The following CCDC138 variants were observed in gnomAD, a reference collection of about 807,000 sequenced individuals.
CCDC138 encodes the protein coiled-coil domain containing 138.
In CCDC138, 66 loss-of-function variants were observed where a neutral mutation model predicts 82.3. The ratio of observed to expected loss-of-function variants is 0.80; its 90% CI spans 0.66 to 0.98. CCDC138 has a LOEUF of 0.98. CCDC138 is among the 50% of genes least tolerant of loss of function. The pLI is 0.00. For synonymous variants in CCDC138, 297 were observed against 265.4 expected, an observed-to-expected ratio of 1.12 and a Z score of -1.16; for missense variants, 816 against 758.9, an observed-to-expected ratio of 1.08 and a Z score of -0.88.
In CCDC138 at chr2:108,873,559, G is replaced by C. The variant is rs781716615; in HGVS notation, c.1802G>C (p.Ser601Thr). The C allele has an allele frequency of 4.3e-6, 7 of 1,609,194 alleles. No homozygotes were observed. The East Asian group carries it at 1.6e-4, about 36-fold the overall frequency. Residue 601 changes from serine to threonine, a missense_variant, in exon 14 of 15, where the codon AGT (serine) becomes ACT (threonine). By Grantham distance (58) the Ser-to-Thr change is moderately conservative. Transcript: ENST00000295124. ...GATCTTCAAATACTAGAAAAACTCA[G>C]TATTATTTTACAGAAACTTTCCAAA... ...KLDLQILEKLSIILQKLSKIK... is the reference protein window; with the variant it reads ...KLDLQILEKLTIILQKLSKIK...
At chr2:108,832,075 G>A (rs1196097930) in intron 10 of CCDC138, among the ~76,000 whole-genome samples, 1 of 151,462 alleles carries the variant, frequency 6.6e-6, no homozygotes, top group African/African-American at 2.4e-5. Flanking sequence ...TGTCGCCCAG[G>A]CTGGAGTGCA....
In CCDC138 at chr2:108,798,591, C is replaced by CT. The variant is rs1356856317; in HGVS notation, c.735+6dup. 6.4e-7 allele frequency: 1 copy of CT among 1,572,842 alleles called. No homozygotes were observed. The highest frequency in any genetic ancestry group is 8.7e-7 in the Non-Finnish European group (1 of 1,155,274). ...AGATTTCAAATTATAAAAGAGGTAA[C>CT]TATATAGCCTTTGATTTTAGAGTGG... On this transcript the variant is annotated splice_donor_region_variant and intron_variant, in intron 6 of 14. Transcript: ENST00000295124.
chr2:108,857,572 C>T (rs1265240502), intron 13 of CCDC138, among the ~76,000 whole-genome samples: 1 of 152,158 alleles, frequency 6.6e-6, no homozygotes, highest in Non-Finnish European at 1.5e-5. Context: ...TTATTTTCTT[C>T]TCCTGTCCCA....
intron 6 of CCDC138, among the ~76,000 whole-genome samples, chr2:108,800,978 TAGTA>T (rs1413119468): frequency 3.7e-4 from 29 of 78,362 alleles, no homozygotes; most frequent in African/African-American, 1.1e-3. Flanking sequence ...TATGGCTGCA[TAGTA>T]TTCCATGGTA....
chr2:108,880,098 A>G (rs943174806), downstream of CCDC138, among the ~76,000 whole-genome samples: 9 of 152,162 alleles, frequency 5.9e-5, no homozygotes, highest in African/African-American at 2.2e-4. Context: ...TAAAAAACAG[A>G]AATCAATGAA....
chr2:108,853,977 ATATATAATATATAATAAATTTATATT>A (rs1558737835), intron 12 of CCDC138, among the ~76,000 whole-genome samples: 5 of 13,574 alleles, frequency 3.7e-4, no homozygotes, highest in African/African-American at 6.3e-4. Flanking sequence ...AATATATATA[ATATATAATATATAATAAATTTATATT>A]ATATATAATA....
intron 2 of CCDC138, 119 bp from the exon 3 acceptor site, chr2:108,788,725 AAAAAAAAG>A (rs1367818103): frequency 3.0e-6 from 4 of 1,351,126 alleles, no homozygotes; most frequent in Non-Finnish European, 3.9e-6. Context: ...GTCTCAAAGA[AAAAAAAAG>A]AAAAAAAAAT....
At chr2:108,787,158 T>G (rs1041709529) in intron 1 of CCDC138, among the ~76,000 whole-genome samples, 1 of 152,192 alleles carries the variant, frequency 6.6e-6, no homozygotes, top group Non-Finnish European at 1.5e-5. Context: ...TGGTGTGGTG[T>G]TGGAGAAAGT....
In CCDC138 at chr2:108,788,923, A is replaced by G; in HGVS notation, c.223A>G (p.Arg75Gly). The G allele has an allele frequency of 6.2e-7, 1 of 1,614,184 alleles. No homozygotes were observed. The highest frequency in any genetic ancestry group is 1.1e-5 in the South Asian group (1 of 91,088). Residue 75 changes from arginine (R) to glycine (G), a missense_variant, in exon 3 of 15, where the codon AGA becomes GGA. Physicochemically the swap from Arg to Gly is moderately radical, Grantham distance 125. Coordinates refer to ENST00000295124, the MANE Select transcript of CCDC138 (RefSeq NM_144978.3). Reference protein sequence around the residue: ...LKYSDESKHCRTPLGSLFKHV... With the variant: ...LKYSDESKHCGTPLGSLFKHV... ...ATATTCTGATGAAAGCAAGCATTGT[A>G]GAACACCATTGGGCAGCTTATTCAA... is the stretch of plus-strand genomic sequence containing the variant.
Position 108,805,095 on chromosome 2 carries a change from C to T in CCDC138, c.855+87C>T, listed in dbSNP as rs968665541. ...ACAAATTAAAGTCAGCCTTAGAACA[C>T]GTTTCAGCTAGAGAAAATTTGGATT... On this transcript the variant is annotated intron_variant, in intron 7 of 14. Coordinates refer to ENST00000295124, the MANE Select transcript of CCDC138 (RefSeq NM_144978.3). 1.9e-5 allele frequency: 12 copies of T among 645,862 alleles called. 1 individual carries two copies. The highest frequency in any genetic ancestry group is 1.4e-4 in the South Asian group (2 of 14,488). 40.0% of individuals were successfully genotyped at this position (645,862 alleles called of 1,614,324 possible).
rs1330852524 is a variant in CCDC138 at position 108,794,592 on chromosome 2, T to C, written c.447T>C (p.Ser149=). The change falls in exon 5 of 15, where the codon AGT becomes AGC. Residue 149 remains serine (S), a synonymous_variant. Transcript: ENST00000295124. ...TSSRPRTECC[S]DAGDSPLKPV... is the part of the protein sequence containing the mutation. ...CGAGACCTCGGACTGAGTGTTGTAG[T>C]GATGCAGGTGACTCTCCTTTGAAAC... 1 of 1,614,130 alleles carries C rather than the reference T, an allele frequency of 6.2e-7. No individual in the cohort carries two copies. Among genetic ancestry groups the C allele is most frequent in the East Asian group, 2.2e-5 (1 of 44,872 alleles).
chr2:108,844,020 C>T (rs1242954422), intron 11 of CCDC138, among the ~76,000 whole-genome samples: 5 of 149,718 alleles, frequency 3.3e-5, no homozygotes, highest in African/African-American at 4.9e-5. Context: ...TACTACCTTA[C>T]CTGGTTAATT....
chr2:108,810,150 A>G (rs1339710250), intron 7 of CCDC138, among the ~76,000 whole-genome samples: 1 of 152,084 alleles, frequency 6.6e-6, no homozygotes, highest in Non-Finnish European at 1.5e-5. Flanking sequence ...TTCTTGCTTA[A>G]TTACTCTGGC....
At chr2:108,837,632 C>CA (rs1485733310) in intron 10 of CCDC138, among the ~76,000 whole-genome samples, 1 of 152,206 alleles carries the variant, frequency 6.6e-6, no homozygotes, top group Non-Finnish European at 1.5e-5. Flanking sequence ...CTGACGTAAA[C>CA]AAACCTGTGC....
intron 12 of CCDC138, among the ~76,000 whole-genome samples, chr2:108,856,000 A>G (rs1479056547): frequency 1.3e-5 from 2 of 152,162 alleles, no homozygotes; most frequent in African/African-American, 2.4e-5. Context: ...AAACTTGATT[A>G]TTGTACATTA....
chr2:108,828,410 A>G (rs1558686958), intron 10 of CCDC138, among the ~76,000 whole-genome samples: 2 of 152,328 alleles, frequency 1.3e-5, no homozygotes, highest in Middle Eastern at 3.4e-3. Context: ...AACAACCATA[A>G]AAAGAACAAA....
intron 7 of CCDC138, among the ~76,000 whole-genome samples, chr2:108,808,006 T>A (rs1171499290): frequency 5.3e-5 from 8 of 152,242 alleles, no homozygotes; most frequent in Non-Finnish European, 1.2e-4. Flanking sequence ...TATTATATTC[T>A]GTACTTCTGT....
At chr2:108,870,940 A>T (rs1695141405) in intron 13 of CCDC138, among the ~76,000 whole-genome samples, 1 of 152,254 alleles carries the variant, frequency 6.6e-6, no homozygotes, top group Middle Eastern at 3.2e-3. Context: ...CTGAAAACTT[A>T]AAAATGGTTA....
At chr2:108,854,009 TAA>T (rs1692135559) in intron 12 of CCDC138, among the ~76,000 whole-genome samples, 1 of 98,672 alleles carries the variant, frequency 1.0e-5, no homozygotes, top group Non-Finnish European at 2.0e-5. Flanking sequence ...ATATTATATA[TAA>T]TATATAATAA....
Sources: allele counts gnomAD v4.1 joint callset (sites outside exome capture counted in the v4.1 genomes callset), GRCh38; gene constraint gnomAD v4.1.1; transcripts MANE v1.5; gene names NCBI Gene and HGNC (gene_info 2026-07-23, HGNC 2026-07-21).